The following RRP15 variants were observed in gnomAD, a reference collection of about 807,000 sequenced individuals.
The protein encoded by RRP15 is RRP15-like protein.
Under a neutral mutation model 27.1 loss-of-function variants are expected in RRP15, and 18 were observed. The ratio of observed to expected loss-of-function variants is 0.66; its 90% confidence interval spans 0.46 to 0.98. The LOEUF (loss-of-function observed/expected upper bound fraction) is 0.98, where lower values mean the gene tolerates loss of function less well. RRP15 is among the 50% of genes least tolerant of loss of function. The pLI, the probability that RRP15 is intolerant of heterozygous loss-of-function variation, is 0.00. For missense variants in RRP15, 359 were observed against 337.8 expected, an observed-to-expected ratio of 1.06 and a Z score of -0.49; for synonymous variants, 107 against 109.4, an observed-to-expected ratio of 0.98 and a Z score of 0.14.
chr1:218,305,310 G>T (rs1356378022), intron 3 of RRP15, among the ~76,000 whole-genome samples, 185 bp downstream of exon 3: 1 of 152,124 alleles, frequency 6.6e-6, no homozygotes, highest in Non-Finnish European at 1.5e-5. Flanking sequence ...AGAATATAAT[G>T]TGCTAAGTGT....
At chr1:218,317,726 CT>C (rs34893347) in intron 4 of RRP15, among the ~76,000 whole-genome samples, 38,886 of 119,756 alleles carry the variant, frequency 0.32, 5,448 homozygotes, top group Non-Finnish European at 0.35. Context: ...GCCCCACACC[CT>C]TTTTTTTTTT....
At position 218,308,634 on chromosome 1, in the gene RRP15, A is replaced by AT. The variant is rs1394836234; in HGVS notation, c.705+1008dup. On this transcript the variant is annotated intron_variant, in intron 4 of 4. Coordinates refer to ENST00000366932, the MANE Select transcript of RRP15 (RefSeq NM_016052.4). ...TTTTATGCTAGCCTAGGGTTGGAGC[A>AT]TTTTTTAAAGTTTCTTAAGTTCATA... is the stretch of plus-strand genomic sequence containing the variant. 3.9e-5 allele frequency among the ~76,000 whole-genome samples: 6 copies of AT among 152,256 alleles called. No individual in the cohort carries two copies. The East Asian group carries it at 9.7e-4, about 24-fold the overall frequency.
At chr1:218,303,186 TTGA>T (rs1655841846) in intron 2 of RRP15, among the ~76,000 whole-genome samples, 1 of 152,182 alleles carries the variant, frequency 6.6e-6, no homozygotes, top group South Asian at 2.1e-4. Flanking sequence ...TCACCTGTAC[TTGA>T]TGATCTCTGT....
Position 218,307,613 on chromosome 1 carries a change from A to T in RRP15, c.686A>T (p.Lys229Met). ...GSTNETASSR[K>M]KPKAKQTEVK... ...ACAAATGAGACTGCTTCAAGCAGGA[A>T]GAAACCAAAAGCCAAACAGGTAAAA... Residue 229 changes from lysine (K) to methionine (M), a missense_variant, in exon 4 of 5, where the codon AAG becomes ATG. Physicochemically the swap from Lys to Met is moderately conservative, Grantham distance 95 (BLOSUM62 -1). Coordinates refer to ENST00000366932, the MANE Select transcript of RRP15 (RefSeq NM_016052.4). 1 of 1,613,628 alleles carries T rather than the reference A, an allele frequency of 6.2e-7. No homozygotes were observed. The highest frequency in any genetic ancestry group is 8.5e-7 in the Non-Finnish European group (1 of 1,179,744).
Position 218,332,829 on chromosome 1 carries a change from G to C in RRP15, c.*1738G>C, listed in dbSNP as rs905732671. ...AAATATCCTGCTATAACTTAATACA[G>C]ATACATATTTCAATATGACTTAACA... is the stretch of plus-strand genomic sequence containing the variant. On this transcript the variant is annotated 3_prime_UTR_variant, in exon 5 of 5. Transcript: ENST00000366932. 7.3e-6 allele frequency: 1 copy of C among 137,248 alleles called. No individual in the cohort carries two copies. The highest frequency in any genetic ancestry group is 1.5e-5 in the Non-Finnish European group (1 of 64,692). The allele number at this position is 137,248 out of a possible 1,614,324, so 8.5% of individuals were successfully genotyped here.
intron 1 of RRP15, among the ~76,000 whole-genome samples, chr1:218,287,165 G>A (rs944096772): frequency 2.7e-4 from 36 of 133,290 alleles, no homozygotes; most frequent in Non-Finnish European, 4.6e-4. Context: ...TTTTTTGGTA[G>A]AGATGGGATT....
intron 4 of RRP15, among the ~76,000 whole-genome samples, chr1:218,318,660 T>C (rs1273328507): frequency 1.3e-5 from 2 of 152,228 alleles, no homozygotes; most frequent in Non-Finnish European, 2.9e-5. Flanking sequence ...GTACTTGCTA[T>C]TGTAACACAT....
Position 218,302,452 on chromosome 1 carries a change from C to T in RRP15, c.298C>T (p.Leu100Phe). 2 of 1,613,974 alleles carry T rather than the reference C, an allele frequency of 1.2e-6. No homozygotes were observed. The highest frequency in any genetic ancestry group is 1.7e-6 in the Non-Finnish European group (2 of 1,179,998). ...MGWADAMAKV[L>F]NKKTPESKPT... is the part of the protein sequence containing the mutation. ...CTGGGCAGATGCTATGGCTAAAGTC[C>T]TCAACAAGAAAACTCCTGAAAGTAA... is the stretch of plus-strand genomic sequence containing the variant. The change falls in exon 2 of 5, where the codon CTC (leucine) becomes TTC (phenylalanine). Residue 100 changes from leucine to phenylalanine, a missense_variant. Physicochemically the swap from Leu to Phe is conservative, Grantham distance 22. Transcript: ENST00000366932.
chr1:218,309,241 A>C (rs1001075785), intron 4 of RRP15, among the ~76,000 whole-genome samples: 1 of 152,186 alleles, frequency 6.6e-6, no homozygotes, highest in South Asian at 2.1e-4. Context: ...CAATACCCTG[A>C]CATATTTCTT....
chr1:218,298,623 G>A (rs1435316746), intron 1 of RRP15, among the ~76,000 whole-genome samples: 1 of 152,170 alleles, frequency 6.6e-6, no homozygotes, highest in African/African-American at 2.4e-5. Context: ...TGGGGGAAAA[G>A]GCAGCAGGAG....
chr1:218,300,911 G>A (rs12068798), intron 1 of RRP15, among the ~76,000 whole-genome samples: 4,249 of 152,234 alleles, frequency 0.028, 200 homozygotes, highest in African/African-American at 0.096. Flanking sequence ...TGATCCGGGT[G>A]GGTGGAACAG....
At position 218,333,055 on chromosome 1, in the gene RRP15, A is replaced by G. The variant is rs1236223125; in HGVS notation, c.*1964A>G. On this transcript the variant is annotated 3_prime_UTR_variant, in exon 5 of 5. Coordinates refer to ENST00000366932, the MANE Select transcript of RRP15 (RefSeq NM_016052.4). ...ACTAAAATGTTTTGAAACATATTTT[A>G]TAGTCCCTCATTTGATTTGAAAAAA... 4.6e-5 allele frequency: 7 copies of G among 152,172 alleles called. No homozygotes were observed. The highest frequency in any genetic ancestry group is 1.0e-4 in the Non-Finnish European group (7 of 68,002). 9.4% of individuals were successfully genotyped at this position (152,172 alleles called of 1,614,324 possible).
Position 218,337,796 on chromosome 1 carries a change from G to C in RRP15, c.*6705G>C, listed in dbSNP as rs982837858. 1 of 151,974 alleles carries C rather than the reference G, an allele frequency of 6.6e-6. No individual in the cohort carries two copies. Among genetic ancestry groups the C allele is most frequent in the African/African-American group, 2.4e-5 (1 of 41,388 alleles). The allele number at this position is 151,974 out of a possible 1,614,324, so 9.4% of individuals were successfully genotyped here. ...CAAACTCTACATACTGTTTAATAGA[G>C]CATTATTGATATTAGCTGTATTAGA... On this transcript the variant is annotated 3_prime_UTR_variant, in exon 5 of 5. Coordinates refer to ENST00000366932, the MANE Select transcript of RRP15 (RefSeq NM_016052.4).
At chr1:218,317,659 A>G (rs946760352) in intron 4 of RRP15, among the ~76,000 whole-genome samples, 5 of 152,032 alleles carry the variant, frequency 3.3e-5, no homozygotes, top group African/African-American at 4.8e-5. Flanking sequence ...TAGAAATCAA[A>G]TGCATCATGT....
intron 3 of RRP15, among the ~76,000 whole-genome samples, chr1:218,306,795 TATTC>T (rs1655906408): frequency 1.3e-5 from 2 of 152,208 alleles, no homozygotes; most frequent in Non-Finnish European, 2.9e-5. Flanking sequence ...GCATTCAAAA[TATTC>T]ATCATGTGGT....
intron 4 of RRP15, among the ~76,000 whole-genome samples, chr1:218,321,636 A>T: frequency 6.6e-6 from 1 of 152,160 alleles, no homozygotes; most frequent in East Asian, 1.9e-4. Flanking sequence ...TCAATGGCTT[A>T]TCTAAGATTC....
chr1:218,322,844 C>T (rs1656208304), intron 4 of RRP15, among the ~76,000 whole-genome samples: 2 of 152,152 alleles, frequency 1.3e-5, no homozygotes, highest in Admixed American at 6.5e-5. Flanking sequence ...TGGCAGTCTG[C>T]GCTCGGCTCG....
At chr1:218,298,410 C>T (rs1451936063) in intron 1 of RRP15, among the ~76,000 whole-genome samples, 2 of 152,164 alleles carry the variant, frequency 1.3e-5, no homozygotes, top group South Asian at 2.1e-4. Flanking sequence ...CTGAGTTCTT[C>T]AAGGAGAGAA....
chr1:218,306,153 A>T (rs959409303), intron 3 of RRP15, among the ~76,000 whole-genome samples: 2 of 152,134 alleles, frequency 1.3e-5, no homozygotes, highest in African/African-American at 4.8e-5. Flanking sequence ...TACTCTCCTT[A>T]TAAGCTCATA....
Sources: allele counts gnomAD v4.1 joint callset (sites outside exome capture counted in the v4.1 genomes callset), GRCh38; gene constraint gnomAD v4.1.1; transcripts MANE v1.5; gene names NCBI Gene and HGNC (gene_info 2026-07-23, HGNC 2026-07-21).